Variants in PLXDC1 observed in about 807,000 individuals in gnomAD.
The protein encoded by PLXDC1 is plexin domain-containing protein 1.
In PLXDC1, 39 loss-of-function variants were observed where a neutral mutation model predicts 61.3. The ratio of observed to expected loss-of-function variants is 0.64; its 90% confidence interval spans 0.49 to 0.83. PLXDC1 has a LOEUF of 0.83. Ranked by LOEUF, PLXDC1 falls within the 40% of genes least tolerant of loss-of-function variation. The pLI is 0.00. For synonymous variants in PLXDC1, 212 were observed against 254.5 expected, an observed-to-expected ratio of 0.83 and a Z score of 1.59; for missense variants, 596 against 666.5, an observed-to-expected ratio of 0.89 and a Z score of 1.17.
chr17:39,151,369 G>C lies in PLXDC1; in HGVS notation c.69C>G (p.Pro23=). ...REAARALSPQ[P]GAGHDEGPGS... ...GGCTCCCGCCAGTCCTACCTGCTCCGGGCTGGGGGCTCAGCGCCCGGGCAG... is the reference window on the plus strand; with the variant it reads ...GGCTCCCGCCAGTCCTACCTGCTCCCGGCTGGGGGCTCAGCGCCCGGGCAG... The change falls in exon 1 of 14, where the codon CCC becomes CCG. Residue 23 remains proline (P), a synonymous_variant. Transcript: ENST00000315392. The surrounding 1 kb of genome is among the most constrained non-coding windows in gnomAD (Gnocchi z 5.2). 7.8e-7 allele frequency: 1 copy of C among 1,289,342 alleles called. No homozygotes were observed. The highest frequency in any genetic ancestry group is 9.8e-7 in the Non-Finnish European group (1 of 1,018,166). The allele number at this position is 1,289,342 out of a possible 1,614,324, so 79.9% of individuals were successfully genotyped here. A position where few individuals can be genotyped will look rare whatever the true frequency, so the allele number is the denominator to read the frequency against.
At position 39,069,872 on chromosome 17, in the gene PLXDC1, G is replaced by C; in HGVS notation, c.1367C>G (p.Ala456Gly). Residue 456 changes from alanine (A) to glycine (G), a missense_variant, in exon 13 of 14, where the codon GCG (alanine) becomes GGG (glycine). Coordinates refer to ENST00000315392, the MANE Select transcript of PLXDC1 (RefSeq NM_020405.5). The stretch of plus-strand genomic sequence containing the variant: ...GACACGGACCTCGATGAAGAAGAGC[G>C]CAGCATTGGATGTGGGGTGGCCATT... Reference protein sequence around the residue: ...YINGHPTSNAALFFIERRPHH... With the variant: ...YINGHPTSNAGLFFIERRPHH... 6.2e-7 allele frequency: 1 copy of C among 1,613,798 alleles called. No individual in the cohort carries two copies. The highest frequency in any genetic ancestry group is 8.5e-7 in the Non-Finnish European group (1 of 1,179,746).
chr17:39,074,986 G>A (rs185277996), intron 11 of PLXDC1, among the ~76,000 whole-genome samples: 10 of 151,728 alleles, frequency 6.6e-5, no homozygotes, highest in South Asian at 4.2e-4. Flanking sequence ...TTGAGACAGC[G>A]TTTCACTTTG....
chr17:39,063,773 T>C lies in PLXDC1; in HGVS notation c.*4067A>G. On this transcript the variant is annotated 3_prime_UTR_variant, in exon 14 of 14. Transcript: ENST00000315392. Reference sequence around the variant, plus strand: ...CAGGTAGGTTTTTGGAGACAGAGATTGGCCGCATCATATCTGTGACACTGA... The same window carrying C: ...CAGGTAGGTTTTTGGAGACAGAGATCGGCCGCATCATATCTGTGACACTGA... 2.4e-6 allele frequency: 1 copy of C among 412,410 alleles called. No homozygotes were observed. Among genetic ancestry groups the C allele is most frequent in the Non-Finnish European group, 4.4e-6 (1 of 227,932 alleles). 25.5% of individuals were successfully genotyped at this position (412,410 alleles called of 1,614,324 possible). A position where few individuals can be genotyped will look rare whatever the true frequency, so the allele number is the denominator to read the frequency against.
chr17:39,111,514 A>T (rs1156531055), intron 2 of PLXDC1, among the ~76,000 whole-genome samples: 1 of 151,988 alleles, frequency 6.6e-6, no homozygotes, highest in African/African-American at 2.4e-5. Context: ...CAAACTCCTG[A>T]CCTCAAGTGA....
chr17:39,115,916 G>T lies in PLXDC1; in HGVS notation c.256-6525C>A, dbSNP rs147007318. 5.6e-3 allele frequency among the ~76,000 whole-genome samples: 851 copies of T among 152,226 alleles called. 21 individuals are homozygous for T. The highest frequency in any genetic ancestry group is 0.041 in the Admixed American group (620 of 15,284). ...GGATCACCTGATGTCCGGAGTTCAAGACCAGCCTGGCCAACATGGTGAAAC... is the reference window on the plus strand; with the variant it reads ...GGATCACCTGATGTCCGGAGTTCAATACCAGCCTGGCCAACATGGTGAAAC... On this transcript the variant is annotated intron_variant, in intron 2 of 13. Transcript: ENST00000315392.
chr17:39,086,842 A>G (rs1441267722), intron 8 of PLXDC1, among the ~76,000 whole-genome samples: 1 of 137,068 alleles, frequency 7.3e-6, no homozygotes, highest in Non-Finnish European at 1.6e-5. Flanking sequence ...AGCCTGGGCA[A>G]CAGAGTGAGA....
intron 8 of PLXDC1, among the ~76,000 whole-genome samples, chr17:39,084,371 T>A (rs1414132348): frequency 6.6e-6 from 1 of 152,236 alleles, no homozygotes; most frequent in African/African-American, 2.4e-5. Context: ...TGTGAGATGA[T>A]GGATATGTTA....
intron 1 of PLXDC1, among the ~76,000 whole-genome samples, chr17:39,147,555 C>G (rs981856908): frequency 6.6e-6 from 1 of 152,118 alleles, no homozygotes; most frequent in Non-Finnish European, 1.5e-5. Context: ...CTAACCATAC[C>G]CTCTCCCTTT....
At chr17:39,133,100 G>A (rs532467154) in intron 2 of PLXDC1, among the ~76,000 whole-genome samples, 2 of 152,306 alleles carry the variant, frequency 1.3e-5, no homozygotes, top group South Asian at 4.1e-4. Flanking sequence ...GTGATGCTGA[G>A]CTGTCAGAGG....
chr17:39,070,028 T>C lies in PLXDC1; in HGVS notation c.1223-12A>G, dbSNP rs1430921692. On this transcript the variant is annotated splice_polypyrimidine_tract_variant and intron_variant, in intron 12 of 13. Coordinates refer to ENST00000315392, the MANE Select transcript of PLXDC1 (RefSeq NM_020405.5). Reference sequence around the variant, plus strand: ...GTTGTTCTGAAGGCCTGTGGAGAGATCATTAGGGCAGACAGGGGCTGCAGG... The same window carrying C: ...GTTGTTCTGAAGGCCTGTGGAGAGACCATTAGGGCAGACAGGGGCTGCAGG... The C allele has an allele frequency of 1.2e-6, 2 of 1,604,858 alleles. No individual in the cohort carries two copies. Among genetic ancestry groups the C allele is most frequent in the Admixed American group, 1.7e-5 (1 of 59,784 alleles).
chr17:39,096,963 T>C (rs972236867), intron 7 of PLXDC1: 5 of 471,262 alleles, frequency 1.1e-5, no homozygotes, highest in African/African-American at 8.0e-5. Flanking sequence ...TTGCAGACTC[T>C]GCTGAAAAGC....
At chr17:39,121,082 C>T (rs1911148957) in intron 2 of PLXDC1, among the ~76,000 whole-genome samples, 1 of 151,696 alleles carries the variant, frequency 6.6e-6, no homozygotes, top group African/African-American at 2.4e-5. Flanking sequence ...CTCAAGCGAT[C>T]CTCTCACCTC....
chr17:39,075,641 C>T (rs1346007901), intron 11 of PLXDC1, among the ~76,000 whole-genome samples: 2 of 152,214 alleles, frequency 1.3e-5, no homozygotes, highest in African/African-American at 2.4e-5. Flanking sequence ...TTATGCGCTA[C>T]TTTAGCATCC....
intron 11 of PLXDC1, among the ~76,000 whole-genome samples, chr17:39,075,677 A>C (rs1174992201): frequency 2.0e-5 from 3 of 152,204 alleles, no homozygotes; most frequent in African/African-American, 7.2e-5. Flanking sequence ...TGGTCCCCAC[A>C]AATGCTGATG....
intron 8 of PLXDC1, 80 bp downstream of exon 8, chr17:39,087,527 T>A: frequency 1.8e-6 from 2 of 1,095,120 alleles, no homozygotes; most frequent in Non-Finnish European, 2.8e-6. Flanking sequence ...AAAACAGGAG[T>A]CAGTCATGGG....
chr17:39,135,347 G>T (rs964915390), intron 2 of PLXDC1, among the ~76,000 whole-genome samples: 1 of 152,142 alleles, frequency 6.6e-6, no homozygotes, highest in South Asian at 2.1e-4. Flanking sequence ...AATCGAGCGG[G>T]TCACCAATTA....
chr17:39,120,964 G>T (rs1013671494), intron 2 of PLXDC1, among the ~76,000 whole-genome samples: 4 of 151,964 alleles, frequency 2.6e-5, no homozygotes, highest in Non-Finnish European at 4.4e-5. Flanking sequence ...ACAGGGTTGG[G>T]ATTACAGGCA....
intron 8 of PLXDC1, among the ~76,000 whole-genome samples, chr17:39,084,337 C>G (rs183159892): frequency 6.6e-6 from 1 of 152,224 alleles, no homozygotes; most frequent in East Asian, 1.9e-4. Context: ...GCTCTTGCCA[C>G]AAGAACAAAA....
chr17:39,142,523 A>G (rs1179218664), intron 1 of PLXDC1, among the ~76,000 whole-genome samples: 1 of 152,112 alleles, frequency 6.6e-6, no homozygotes, highest in Non-Finnish European at 1.5e-5. Context: ...TAGGTTGTTA[A>G]ATGCATGCTT....
Sources: allele counts gnomAD v4.1 joint callset (sites outside exome capture counted in the v4.1 genomes callset), GRCh38; gene constraint gnomAD v4.1.1; non-coding constraint Gnocchi (gnomAD v3.1); transcripts MANE v1.5; gene names NCBI Gene and HGNC (gene_info 2026-07-23, HGNC 2026-07-21).